Variants in TMEM266 observed in about 807,000 individuals in gnomAD.
TMEM266 encodes Hv1 related protein 1.
A neutral mutation model predicts 50.5 loss-of-function variants in TMEM266; 33 were observed. The ratio of observed to expected loss-of-function variants is 0.65; its 90% CI spans 0.50 to 0.87. The LOEUF (loss-of-function observed/expected upper bound fraction) is 0.87. Ranked by LOEUF, TMEM266 falls within the 40% of genes least tolerant of loss-of-function variation. TMEM266 has a pLI of 0.00. For synonymous variants in TMEM266, 310 were observed against 292.3 expected, an observed-to-expected ratio of 1.06 and a Z score of -0.62; for missense variants, 655 against 695.1, an observed-to-expected ratio of 0.94 and a Z score of 0.65.
chr15:76,193,652 C>T (rs2038614673), intron 9 of TMEM266, among the ~76,000 whole-genome samples: 2 of 152,202 alleles, frequency 1.3e-5, no homozygotes, highest in Admixed American at 1.3e-4. Context: ...AGCCTCAGCT[C>T]GCCCTCCTCT....
chr15:76,143,854 C>A (rs1440595840), intron 3 of TMEM266, among the ~76,000 whole-genome samples: 1 of 152,194 alleles, frequency 6.6e-6, no homozygotes, highest in Non-Finnish European at 1.5e-5. Context: ...TGGTAACATT[C>A]AAAGTCGTGT....
chr15:76,130,284 T>G (rs2037489462), intron 1 of TMEM266, among the ~76,000 whole-genome samples: 1 of 133,264 alleles, frequency 7.5e-6, no homozygotes, highest in Non-Finnish European at 1.6e-5. Context: ...ATGCCTGTAA[T>G]TCCAGCACTT....
intron 8 of TMEM266, among the ~76,000 whole-genome samples, chr15:76,183,602 G>A (rs1462221587): frequency 1.3e-5 from 2 of 152,190 alleles, no homozygotes; most frequent in Non-Finnish European, 2.9e-5. Context: ...GTCAGAAGTG[G>A]TCTTTGTGCC....
chr15:76,129,722 C>CT (rs752725808), intron 1 of TMEM266, among the ~76,000 whole-genome samples: 4 of 152,028 alleles, frequency 2.6e-5, no homozygotes, highest in African/African-American at 7.2e-5. Context: ...CTGTGGGAAA[C>CT]TTTGTCAGAC....
At chr15:76,127,022 T>C (rs1490830038) in intron 1 of TMEM266, among the ~76,000 whole-genome samples, 1 of 152,136 alleles carries the variant, frequency 6.6e-6, no homozygotes, top group African/African-American at 2.4e-5. Context: ...TAATAATGGT[T>C]AATAATAACC....
chr15:76,174,721 T>C (rs55862704), intron 7 of TMEM266, among the ~76,000 whole-genome samples: 20,234 of 152,204 alleles, frequency 0.13, 1,759 homozygotes, highest in African/African-American at 0.25. Context: ...TTTCCATCTC[T>C]ATAGAGTTGC....
chr15:76,195,039 A>G (rs1294089316), intron 9 of TMEM266, among the ~76,000 whole-genome samples: 2 of 152,008 alleles, frequency 1.3e-5, no homozygotes, highest in African/African-American at 4.8e-5. Flanking sequence ...AACAACCTTT[A>G]GTTCTGTAAA....
At chr15:76,074,363 C>T (rs191473311) in intron 1 of TMEM266, among the ~76,000 whole-genome samples, 18 of 152,082 alleles carry the variant, frequency 1.2e-4, no homozygotes, top group African/African-American at 4.3e-4. Context: ...CAGTCGTCAC[C>T]ACCATCCACG....
At chr15:76,077,550 G>A (rs2141988444) in intron 1 of TMEM266, among the ~76,000 whole-genome samples, 1 of 152,216 alleles carries the variant, frequency 6.6e-6, no homozygotes, top group Non-Finnish European at 1.5e-5. Context: ...AGGATCTTGA[G>A]ATAAGATAAT....
At chr15:76,099,505 G>A (rs960799009) in intron 1 of TMEM266, among the ~76,000 whole-genome samples, 10 of 152,186 alleles carry the variant, frequency 6.6e-5, no homozygotes, top group Admixed American at 2.6e-4. Flanking sequence ...GCTGCAGACC[G>A]GAGCTGTTCC....
At chr15:76,158,481 C>G (rs532446846) in intron 4 of TMEM266, among the ~76,000 whole-genome samples, 3 of 152,142 alleles carry the variant, frequency 2.0e-5, no homozygotes, top group Admixed American at 1.3e-4. Flanking sequence ...TCGGGGCCCT[C>G]GGCTGCTCGG....
intron 1 of TMEM266, chr15:76,112,839 G>C (rs1363890319): frequency 6.6e-6 from 1 of 152,156 alleles, no homozygotes; most frequent in Non-Finnish European, 1.5e-5. Context: ...TGGTATGTGA[G>C]CATAAACCAC....
chr15:76,158,239 G>A (rs193200901), intron 4 of TMEM266, among the ~76,000 whole-genome samples: 176 of 152,208 alleles, frequency 1.2e-3, no homozygotes, highest in African/African-American at 3.6e-3. Context: ...GAGCGTGGAC[G>A]GTGAGCACAG....
intron 1 of TMEM266, among the ~76,000 whole-genome samples, chr15:76,120,663 A>G (rs2037326887): frequency 6.8e-6 from 1 of 147,400 alleles, no homozygotes; most frequent in Non-Finnish European, 1.5e-5. Context: ...CAGGAGGCTG[A>G]GGCAGGAGAA....
chr15:76,125,932 G>T (rs2037416816), intron 1 of TMEM266, among the ~76,000 whole-genome samples: 1 of 151,852 alleles, frequency 6.6e-6, no homozygotes, highest in African/African-American at 2.4e-5. Flanking sequence ...CACACGAATG[G>T]CCAACAGGTT....
At chr15:76,068,882 A>G (rs2036486598) in intron 1 of TMEM266, among the ~76,000 whole-genome samples, 1 of 152,252 alleles carries the variant, frequency 6.6e-6, no homozygotes, top group African/African-American at 2.4e-5. Context: ...CCAGACAGGT[A>G]GACTTGCAAG....
chr15:76,129,428 G>A (rs1265964849), intron 1 of TMEM266, among the ~76,000 whole-genome samples: 1 of 152,074 alleles, frequency 6.6e-6, no homozygotes, highest in Non-Finnish European at 1.5e-5. Context: ...GATCACCTGA[G>A]TTAGGGGGTT....
intron 1 of TMEM266, among the ~76,000 whole-genome samples, chr15:76,110,052 T>C (rs1283464278): frequency 2.0e-5 from 3 of 151,960 alleles, no homozygotes; most frequent in Non-Finnish European, 4.4e-5. Flanking sequence ...CAGGCTGGAG[T>C]GCAATGGCGC....
At chr15:76,117,467 G>A (rs2037268948) in intron 1 of TMEM266, among the ~76,000 whole-genome samples, 1 of 152,048 alleles carries the variant, frequency 6.6e-6, no homozygotes. Flanking sequence ...TGCCCAGTCT[G>A]GGACCATCTC....
Sources: allele counts gnomAD v4.1 joint callset (sites outside exome capture counted in the v4.1 genomes callset), GRCh38; gene constraint gnomAD v4.1.1; transcripts MANE v1.5; gene names NCBI Gene and HGNC (gene_info 2026-07-23, HGNC 2026-07-21).